The following COL27A1 variants were observed in gnomAD, a reference collection of about 807,000 sequenced individuals.
The protein encoded by COL27A1 is collagen type XXVII alpha 1 chain.
In COL27A1, 106 loss-of-function variants were observed where a neutral mutation model predicts 251.3. The ratio of observed to expected loss-of-function variants is 0.42; its 90% confidence interval spans 0.36 to 0.50. The LOEUF (loss-of-function observed/expected upper bound fraction) is 0.50. COL27A1 is among the 20% of genes least tolerant of loss of function. COL27A1 has a pLI of 0.00. For synonymous variants in COL27A1, 1,000 were observed against 986.3 expected (o/e 1.01, Z -0.26); for missense variants, 2,325 against 2,522.8 (o/e 0.92, Z 1.68).
At chr9:114,300,450 C>G (rs541788876) in intron 50 of COL27A1, 175 bp from the exon 51 acceptor site, 1 of 574,942 alleles carries the variant, frequency 1.7e-6, no homozygotes, top group Non-Finnish European at 3.1e-6. Flanking sequence ...AGCCAACACA[C>G]TGCTGGTACC....
chr9:114,181,677 C>A (rs577020608), intron 4 of COL27A1, among the ~76,000 whole-genome samples: 2 of 152,310 alleles, frequency 1.3e-5, no homozygotes, highest in South Asian at 4.1e-4. Context: ...TATTACTGTG[C>A]TGGAAGACTC....
intron 12 of COL27A1, among the ~76,000 whole-genome samples, chr9:114,219,368 C>T (rs1830928744): frequency 6.6e-6 from 1 of 152,154 alleles, no homozygotes; most frequent in South Asian, 2.1e-4. Context: ...TTTTGAAGAA[C>T]GTGCCACAAT....
chr9:114,296,608 A>T (rs2131644989), intron 49 of COL27A1, among the ~76,000 whole-genome samples: 1 of 152,348 alleles, frequency 6.6e-6, no homozygotes, highest in African/African-American at 2.4e-5. Flanking sequence ...TGATAATGGG[A>T]ATTTAAAGTG....
chr9:114,237,734 C>T lies in COL27A1; in HGVS notation c.2727+19C>T. On this transcript the variant is annotated intron_variant, in intron 19 of 60. Coordinates refer to ENST00000356083, the MANE Select transcript of COL27A1 (RefSeq NM_032888.4). ...ACCCGAGGTATGTGATGCCCCATTTCTCCGTGTCTGGCTGCTGCTGGGACT... is the reference window on the plus strand; with the variant it reads ...ACCCGAGGTATGTGATGCCCCATTTTTCCGTGTCTGGCTGCTGCTGGGACT... The T allele has an allele frequency of 6.2e-7, 1 of 1,607,904 alleles. No individual in the cohort carries two copies. Among genetic ancestry groups the T allele is most frequent in the Non-Finnish European group, 8.5e-7 (1 of 1,174,336 alleles).
chr9:114,166,309 A>G (rs1300361440), intron 2 of COL27A1, among the ~76,000 whole-genome samples: 3 of 150,110 alleles, frequency 2.0e-5, no homozygotes, highest in Non-Finnish European at 4.4e-5. Flanking sequence ...CTATTCATCC[A>G]TCCATCTATA....
intron 11 of COL27A1, among the ~76,000 whole-genome samples, chr9:114,210,414 G>C (rs1050706258): frequency 2.0e-5 from 3 of 152,192 alleles, no homozygotes; most frequent in African/African-American, 7.2e-5. Flanking sequence ...GGTGGGGACA[G>C]CAAGAGCAGG....
At chr9:114,185,515 A>C (rs963992084) in intron 5 of COL27A1, among the ~76,000 whole-genome samples, 4 of 152,202 alleles carry the variant, frequency 2.6e-5, no homozygotes. Context: ...CCCTGGATGG[A>C]AGTAATGACT....
chr9:114,236,911 G>A, intron 17 of COL27A1, 70 bp from the exon 18 acceptor site: 1 of 1,436,656 alleles, frequency 7.0e-7, no homozygotes, highest in Non-Finnish European at 9.8e-7. Context: ...ACCAGCAGGA[G>A]GACTGGGCGG....
At chr9:114,305,693 G>T (rs997684357) in intron 57 of COL27A1, among the ~76,000 whole-genome samples, 2 of 152,174 alleles carry the variant, frequency 1.3e-5, no homozygotes, top group Non-Finnish European at 2.9e-5. Flanking sequence ...AGAGTGTAGA[G>T]AATTGTGCAG....
chr9:114,156,092 CGG>C lies in COL27A1; in HGVS notation c.62+81_62+82del, dbSNP rs1848104018. The C allele has an allele frequency of 6.2e-6, 8 of 1,287,292 alleles. No individual in the cohort carries two copies. The African/African-American group carries it at 1.2e-4, about 20-fold the overall frequency. 79.7% of individuals were successfully genotyped at this position (1,287,292 alleles called of 1,614,324 possible). ...GGGAGGGCCGGGGTTCCCCGCCATG[CGG>C]TCGCTTCCAGCGGAACGTCAGCTTC... On this transcript the variant is annotated intron_variant, in intron 1 of 60. Transcript: ENST00000356083.
rs897024826 is a variant in COL27A1, at chr9:114,288,899, C to G, written c.4099-15C>G. 2 of 1,613,666 alleles carry G rather than the reference C, an allele frequency of 1.2e-6. No individual in the cohort carries two copies. The highest frequency in any genetic ancestry group is 2.7e-5 in the African/African-American group (2 of 75,028). On this transcript the variant is annotated splice_polypyrimidine_tract_variant and intron_variant, in intron 43 of 60. Coordinates refer to ENST00000356083, the MANE Select transcript of COL27A1 (RefSeq NM_032888.4). ...CAGGATGGGCCCCCCTCACCTGTCT[C>G]TCTTTGGCTTCCAGGGACAGGAGGG...
chr9:114,300,724 G>C (rs373761279), intron 51 of COL27A1, 37 bp downstream of exon 51: 7 of 1,470,588 alleles, frequency 4.8e-6, no homozygotes, highest in Non-Finnish European at 6.3e-6. Flanking sequence ...AGAGATGATT[G>C]TCCTAGGCCC....
chr9:114,168,696 C>G lies in COL27A1; in HGVS notation c.1141C>G (p.Pro381Ala). ...KPSAPSTSIV[P>A]IKSPHPTQKT... Reference sequence around the variant, plus strand: ...TTCGGCCCCTTCTACTTCAATTGTGCCCATCAAAAGCCCCCATCCTACCCA... The same window carrying G: ...TTCGGCCCCTTCTACTTCAATTGTGGCCATCAAAAGCCCCCATCCTACCCA... Residue 381 changes from proline (P) to alanine (A), a missense_variant, in exon 3 of 61, where the codon CCC (proline) becomes GCC (alanine). Physicochemically the swap from Pro to Ala is conservative, Grantham distance 27 (BLOSUM62 -1). Transcript: ENST00000356083. The G allele has an allele frequency of 6.2e-7, 1 of 1,614,086 alleles. No individual in the cohort carries two copies. Among genetic ancestry groups the G allele is most frequent in the South Asian group, 1.1e-5 (1 of 91,076 alleles).
intron 40 of COL27A1, among the ~76,000 whole-genome samples, chr9:114,284,472 C>A (rs897674027): frequency 6.6e-6 from 1 of 152,126 alleles, no homozygotes; most frequent in Admixed American, 6.5e-5. Flanking sequence ...CCCGAGTCAC[C>A]CTTCCAGGTC....
At chr9:114,219,882 C>T (rs1237061912) in intron 13 of COL27A1, 38 bp downstream of exon 13, 2 of 1,480,764 alleles carry the variant, frequency 1.4e-6, no homozygotes, top group Non-Finnish European at 1.9e-6. Context: ...GAGCGAGATT[C>T]TGAGTGAACA....
chr9:114,265,326 AGG>A (rs1318493273), intron 31 of COL27A1, 94 bp from the exon 32 acceptor site: 1 of 1,315,436 alleles, frequency 7.6e-7, no homozygotes, highest in Non-Finnish European at 1.1e-6. Flanking sequence ...GTGTGGGAGG[AGG>A]GGACCCAAAT....
intron 5 of COL27A1, among the ~76,000 whole-genome samples, chr9:114,188,355 A>C: frequency 6.6e-6 from 1 of 152,096 alleles, no homozygotes; most frequent in East Asian, 1.9e-4. Flanking sequence ...GCTAGTCCTC[A>C]ATTTGGTCCC....
At chr9:114,186,521 T>C (rs1828350001) in intron 5 of COL27A1, among the ~76,000 whole-genome samples, 1 of 152,110 alleles carries the variant, frequency 6.6e-6, no homozygotes, top group African/African-American at 2.4e-5. Context: ...CCCGGAGTGC[T>C]CGGAGACCCC....
At chr9:114,297,388 A>G (rs1001471183) in intron 49 of COL27A1, among the ~76,000 whole-genome samples, 20 of 152,222 alleles carry the variant, frequency 1.3e-4, no homozygotes, top group African/African-American at 4.8e-4. Flanking sequence ...AGAAATCAAC[A>G]GACAAATATG....
Sources: allele counts gnomAD v4.1 joint callset (sites outside exome capture counted in the v4.1 genomes callset), GRCh38; gene constraint gnomAD v4.1.1; transcripts MANE v1.5; gene names NCBI Gene and HGNC (gene_info 2026-07-23, HGNC 2026-07-21).